The following MROH1 variants were observed in gnomAD, a reference collection of about 807,000 sequenced individuals.
The protein encoded by MROH1 is maestro heat like repeat family member 1.
MROH1 carries 117 observed loss-of-function variants against 116.5 expected under a neutral mutation model. That is an observed-to-expected ratio of 1.00 (90% confidence interval 0.86 to 1.17). The LOEUF (loss-of-function observed/expected upper bound fraction) is 1.17. Ranked by LOEUF, MROH1 falls within the 50% of genes most tolerant of loss-of-function variation. The pLI is 0.00. For synonymous variants in MROH1, 921 were observed against 583.9 expected, an observed-to-expected ratio of 1.58 and a Z score of -8.32; for missense variants, 1,873 against 1,338.5, an observed-to-expected ratio of 1.40 and a Z score of -6.23.
intron 1 of MROH1, among the ~76,000 whole-genome samples, 179 bp from the exon 2 acceptor site, chr8:144,160,791 C>T (rs923240700): frequency 1.3e-5 from 2 of 150,264 alleles, no homozygotes; most frequent in East Asian, 1.9e-4. Context: ...AGGGTCCCAC[C>T]GGCTAGAACC....
chr8:144,257,317 C>T lies in MROH1; in HGVS notation c.3792-1460C>T, dbSNP rs923750301. Among the ~76,000 whole-genome samples the T allele has an allele frequency of 5.7e-3, 867 of 152,306 alleles. 5 individuals are homozygous for T. Among genetic ancestry groups the T allele is most frequent in the Non-Finnish European group, 8.3e-3 (566 of 68,004 alleles). ...GGAGCCTGGGGACACTCATCAAGGG[C>T]TGTGTGAGGGGCTGGCCCTGCTGTT... On this transcript the variant is annotated intron_variant, in intron 35 of 43. Coordinates refer to ENST00000326134, the MANE Select transcript of MROH1 (RefSeq NM_032450.3).
At position 144,168,349 on chromosome 8, in the gene MROH1, A is replaced by G; in HGVS notation, c.77A>G (p.Glu26Gly). 1.2e-6 allele frequency: 2 copies of G among 1,610,964 alleles called. No individual in the cohort carries two copies. The highest frequency in any genetic ancestry group is 1.7e-6 in the Non-Finnish European group (2 of 1,179,678). ...ACCGATAAGGACCCCCTGGTGCAGGAGCAGGTCTGCAGTGCCCTGTGCTCC... is the reference window on the plus strand; with the variant it reads ...ACCGATAAGGACCCCCTGGTGCAGGGGCAGGTCTGCAGTGCCCTGTGCTCC... ...AITDKDPLVQ[E>G]QVCSALCSLG... The change falls in exon 4 of 44, where the codon GAG becomes GGG. Residue 26 changes from glutamate to glycine, a missense_variant. By Grantham distance (98) the Glu-to-Gly change is moderately conservative. Transcript: ENST00000326134.
At chr8:144,252,073 C>A in intron 33 of MROH1, 1 of 188,718 alleles carries the variant, frequency 5.3e-6, no homozygotes, top group Non-Finnish European at 1.1e-5. Context: ...CCGGACAGTG[C>A]TGGGTGCCGT....
In MROH1 at chr8:144,202,931, C is replaced by G. The variant is rs190460367; in HGVS notation, c.1141+2390C>G. On this transcript the variant is annotated intron_variant, in intron 12 of 43. Transcript: ENST00000326134. ...CTCTGTGGAGGGGCTGGGAGAGGAG[C>G]GCCCGCTCTCTGTAGAGGGGCGGGG... Among the ~76,000 whole-genome samples the G allele has an allele frequency of 4.5e-3, 346 of 76,174 alleles. 42 individuals carry two copies. Among genetic ancestry groups the G allele is most frequent in the African/African-American group, 0.019 (223 of 11,590 alleles). The allele number at this position is 76,174 out of a possible 152,430, so 50.0% of individuals were successfully genotyped here.
chr8:144,152,869 C>T (rs1370224528), intron 1 of MROH1, among the ~76,000 whole-genome samples: 8 of 152,054 alleles, frequency 5.3e-5, no homozygotes, highest in African/African-American at 1.2e-4. Flanking sequence ...ACTTTCTTCT[C>T]GTGCTGAGAA....
intron 1 of MROH1, among the ~76,000 whole-genome samples, chr8:144,157,994 T>C (rs1483552178): frequency 9.2e-5 from 13 of 141,626 alleles, no homozygotes; most frequent in African/African-American, 3.4e-4. Flanking sequence ...TCTTTCTTTT[T>C]TTTTTTTTTT....
intron 33 of MROH1, chr8:144,250,628 T>C: frequency 1.8e-6 from 1 of 562,656 alleles, no homozygotes; most frequent in Non-Finnish European, 3.2e-6. Flanking sequence ...GAAGCTGCTG[T>C]TTCTGCCTTC....
At chr8:144,207,377 A>G (rs983925530) in intron 12 of MROH1, among the ~76,000 whole-genome samples, 4 of 151,974 alleles carry the variant, frequency 2.6e-5, no homozygotes, top group African/African-American at 9.7e-5. Flanking sequence ...TAGTAGAGAC[A>G]GGGTTTCACC....
intron 2 of MROH1, among the ~76,000 whole-genome samples, chr8:144,162,301 G>T (rs911111704): frequency 6.6e-6 from 1 of 151,698 alleles, no homozygotes; most frequent in African/African-American, 2.4e-5. Context: ...TAGCCAGGCT[G>T]GTCTTGAAAT....
At chr8:144,228,640 T>A (rs978861237) in intron 14 of MROH1, among the ~76,000 whole-genome samples, 1 of 152,150 alleles carries the variant, frequency 6.6e-6, no homozygotes, top group African/African-American at 2.4e-5. Flanking sequence ...ATTGTTTGTA[T>A]TTTAGAAGAG....
In MROH1 at chr8:144,255,563, C is replaced by T. The variant is rs1268811913; in HGVS notation, c.3649C>T (p.Leu1217Phe). 3 of 779,240 alleles carry T rather than the reference C, an allele frequency of 3.8e-6. No individual in the cohort carries two copies. The highest frequency in any genetic ancestry group is 7.2e-6 in the Non-Finnish European group (3 of 417,782). 48.3% of individuals were successfully genotyped at this position (779,240 alleles called of 1,614,324 possible). ...CACGCCTGCAGCGGGGCCCGCGGTGCTCGAGCTCTACCCCCAGCTGTTTGT... is the reference window on the plus strand; with the variant it reads ...CACGCCTGCAGCGGGGCCCGCGGTGTTCGAGCTCTACCCCCAGCTGTTTGT... The part of the protein sequence containing the change: ...MSTPAAGPAV[L>F]ELYPQLFVVL... Residue 1217 changes from leucine to phenylalanine, a missense_variant, in exon 35 of 44, where the codon CTC becomes TTC. Physicochemically the swap from Leu to Phe is conservative, Grantham distance 22 (BLOSUM62 0). Transcript: ENST00000326134.
In MROH1 at chr8:144,234,507, T is replaced by TG. The variant is rs1564534002; in HGVS notation, c.1339-4249_1339-4248insG. Among the ~76,000 whole-genome samples, 63 of 57,964 alleles carry TG rather than the reference T, an allele frequency of 1.1e-3. 1 individual carries two copies. The highest frequency in any genetic ancestry group is 6.3e-3 in the African/African-American group (63 of 9,930). 38.0% of individuals were successfully genotyped at this position (57,964 alleles called of 152,430 possible). A position where few individuals can be genotyped will look rare whatever the true frequency, so the allele number is the denominator to read the frequency against. On this transcript the variant is annotated intron_variant, in intron 14 of 43. Coordinates refer to ENST00000326134, the MANE Select transcript of MROH1 (RefSeq NM_032450.3). ...ATTTTCTTTCTTTTTCGTTTTTTTT[T>TG]TTTTTTTTTTTTTTTTTTTTTTTTT...
At chr8:144,246,012 T>A (rs1293639905) in intron 29 of MROH1, among the ~76,000 whole-genome samples, 1 of 148,230 alleles carries the variant, frequency 6.7e-6, no homozygotes, top group Non-Finnish European at 1.5e-5. Context: ...TTCTTTTTTT[T>A]CTTTCCCTCC....
chr8:144,233,919 C>T (rs1839465176), intron 14 of MROH1, among the ~76,000 whole-genome samples: 1 of 152,204 alleles, frequency 6.6e-6, no homozygotes, highest in Non-Finnish European at 1.5e-5. Flanking sequence ...ATTTTAGCAT[C>T]CGCTTGTCAA....
intron 4 of MROH1, among the ~76,000 whole-genome samples, chr8:144,171,755 GAC>G (rs1587859406): frequency 6.6e-6 from 1 of 152,134 alleles, no homozygotes; most frequent in East Asian, 1.9e-4. Context: ...ATTTTAGAGA[GAC>G]ACCTAAACAA....
intron 1 of MROH1, among the ~76,000 whole-genome samples, chr8:144,156,926 G>C (rs891367934): frequency 6.6e-6 from 1 of 150,580 alleles, no homozygotes; most frequent in African/African-American, 2.4e-5. Context: ...GGGATTACAG[G>C]CGCACACCAC....
chr8:144,240,130 G>C lies in MROH1; in HGVS notation c.1804G>C (p.Glu602Gln). The change falls in exon 19 of 44, where the codon GAG (glutamate) becomes CAG (glutamine). Residue 602 changes from glutamate (E) to glutamine (Q), a missense_variant. Physicochemically the swap from Glu to Gln is conservative, Grantham distance 29. Transcript: ENST00000326134. ...CACAGAAGAGACCCTGCCACAGGAG[G>C]AGTGGGAGGAGAAGCTGTTGATGGT... ...EHTEETLPQE[E>Q]WEEKLLMFLR... 3 of 778,910 alleles carry C rather than the reference G, an allele frequency of 3.9e-6. No homozygotes were observed. In the South Asian group the frequency reaches 4.0e-5, roughly 10 times the overall value. 48.2% of individuals were successfully genotyped at this position (778,910 alleles called of 1,614,324 possible).
At chr8:144,168,168 G>T (rs926393556) in intron 3 of MROH1, 127 bp from the exon 4 acceptor site, 4 of 1,124,240 alleles carry the variant, frequency 3.6e-6, no homozygotes, top group Non-Finnish European at 4.9e-6. Flanking sequence ...AAGCAGCTGT[G>T]CCCTCTCCTG....
rs1190286308 is a variant in MROH1 at position 144,174,493 on chromosome 8, TTTTA to T, written c.169-4961_169-4958del. Among the ~76,000 whole-genome samples the T allele has an allele frequency of 4.0e-5, 6 of 151,592 alleles. No individual in the cohort carries two copies. In the East Asian group the frequency reaches 1.2e-3, roughly 29 times the overall value. ...TAATACATAACCTTTTTTTTTTTTT[TTTTA>T]AATTCAGGGATGGACTCCCTCTGTT... On this transcript the variant is annotated intron_variant, in intron 4 of 43. Coordinates refer to ENST00000326134, the MANE Select transcript of MROH1 (RefSeq NM_032450.3).
Sources: allele counts gnomAD v4.1 joint callset (sites outside exome capture counted in the v4.1 genomes callset), GRCh38; gene constraint gnomAD v4.1.1; transcripts MANE v1.5; gene names NCBI Gene and HGNC (gene_info 2026-07-23, HGNC 2026-07-21).